Variants in LIPA observed in about 807,000 individuals in gnomAD.
LIPA encodes the protein lipase A, lysosomal acid type.
In LIPA, 26 loss-of-function variants were observed where a neutral mutation model predicts 40.6. The observed-to-expected ratio is 0.64, with a 90% CI of 0.47 to 0.89. LIPA has a LOEUF of 0.89. Among genes scored for constraint, LIPA ranks in the 40% least tolerant of loss-of-function variants. The probability of loss-of-function intolerance (pLI) is 0.00; values close to 1 mark genes in which losing one functional copy is unlikely to be tolerated. For synonymous variants in LIPA, 188 were observed against 168.4 expected (o/e 1.12, Z -0.90); for missense variants, 455 against 479.6 (o/e 0.95, Z 0.48).
At chr10:89,254,078 G>A (rs112517700), upstream of LIPA, among the ~76,000 whole-genome samples, 16,815 of 152,220 alleles carry the variant, frequency 0.11, 1,667 homozygotes, top group African/African-American at 0.26. Flanking sequence ...AGCTATCGGT[G>A]GATCTACCAT....
intron 2 of LIPA, among the ~76,000 whole-genome samples, chr10:89,352,211 C>A (rs548255334): frequency 6.6e-6 from 1 of 152,224 alleles, no homozygotes; most frequent in Admixed American, 6.5e-5. Context: ...TGTGACAGCT[C>A]GCCAGTTTCA....
At chr10:89,256,615 T>C (rs1037267348), upstream of LIPA, among the ~76,000 whole-genome samples, 2 of 152,194 alleles carry the variant, frequency 1.3e-5, no homozygotes, top group African/African-American at 4.8e-5. Context: ...TTGGGCAATA[T>C]AGTTACCCTT....
upstream of LIPA, among the ~76,000 whole-genome samples, chr10:89,343,744 A>G (rs1243423219): frequency 6.6e-6 from 1 of 152,166 alleles, no homozygotes; most frequent in Non-Finnish European, 1.5e-5. Flanking sequence ...CCTAGCAAGC[A>G]TTCCTGGGGC....
At chr10:89,412,550 G>C (rs1841478534) in intron 2 of LIPA, 1 of 172,258 alleles carries the variant, frequency 5.8e-6, no homozygotes, top group Non-Finnish European at 1.3e-5. Context: ...TCCACGTCGT[G>C]GAAGTTTTGT....
In LIPA at chr10:89,225,298, C is replaced by T. The variant is rs1417191944; in HGVS notation, c.539-70G>A. On this transcript the variant is annotated intron_variant, in intron 5 of 9. Coordinates refer to ENST00000336233, the MANE Select transcript of LIPA (RefSeq NM_000235.4). ...TTTCCTTCTCAGAAAACACAAAGGC[C>T]GTCACTCGCGACGCCCTCTCGCGGA... 5.0e-5 allele frequency: 79 copies of T among 1,595,234 alleles called. No individual in the cohort carries two copies. In the East Asian group the frequency reaches 6.9e-4, roughly 14 times the overall value.
At chr10:89,322,237 G>A (rs11203066) in intron 1 of LIPA, among the ~76,000 whole-genome samples, 37,203 of 151,958 alleles carry the variant, frequency 0.24, 4,720 homozygotes, top group African/African-American at 0.28. Context: ...ATGCAGTTTC[G>A]AGCTCGGGGT....
At chr10:89,340,071 G>C (rs564188502) in intron 1 of LIPA, 1 of 1,613,694 alleles carries the variant, frequency 6.2e-7, no homozygotes, top group African/African-American at 1.3e-5. Context: ...AAATGGGCCA[G>C]GGCGCAGTCA....
Position 89,332,842 on chromosome 10 carries a change from G to GGGAGCTT in LIPA, c.-2+9768_-2+9769insAAGCTCC, listed in dbSNP as rs71310979. On this transcript the variant is annotated intron_variant, in intron 1 of 5. Coordinates refer to the LIPA transcript ENST00000282673. ...CACAGGGAAATGGGAGCTGGGAGCT[G>GGGAGCTT]GGAAGGGACGGGGCATATTGAGAGA... 8.5e-3 allele frequency among the ~76,000 whole-genome samples: 1,301 copies of GGGAGCTT among 152,326 alleles called. 8 individuals carry two copies. The highest frequency in any genetic ancestry group is 0.02 in the Middle Eastern group (6 of 294).
chr10:89,286,326 C>T lies in LIPA; in HGVS notation c.-1-38677G>A, dbSNP rs188953323. ...TCTACGGACCCATCTGACCTCTCCC[C>T]TCCTCCCCAGGCTGCTCCTAGCCAG... On this transcript the variant is annotated intron_variant, in intron 1 of 5. Coordinates refer to the LIPA transcript ENST00000282673. 4.7e-3 allele frequency among the ~76,000 whole-genome samples: 714 copies of T among 152,206 alleles called. 5 individuals are homozygous for T. Among genetic ancestry groups the T allele is most frequent in the African/African-American group, 0.016 (683 of 41,502 alleles).
At chr10:89,392,517 C>T (rs998151279) in intron 2 of LIPA, 2 of 225,280 alleles carry the variant, frequency 8.9e-6, no homozygotes, top group Non-Finnish European at 1.7e-5. Context: ...TTTCACTTTC[C>T]CCTTTCGGTT....
rs145037134 is a variant in LIPA, at chr10:89,223,750, T to C, written c.756A>G (p.Ile252Met). The C allele has an allele frequency of 1.1e-5, 18 of 1,613,748 alleles. No individual in the cohort carries two copies. Among genetic ancestry groups the C allele is most frequent in the Non-Finnish European group, 1.5e-5 (18 of 1,179,658 alleles). Residue 252 changes from isoleucine to methionine, a missense_variant, in exon 7 of 10, where the codon ATA (isoleucine) becomes ATG (methionine). Coordinates refer to ENST00000336233, the MANE Select transcript of LIPA (RefSeq NM_000235.4). The stretch of plus-strand genomic sequence containing the variant: ...AGAGATTTCCACAGAGCTCCTTCAG[T>C]ATGACATGAGTGCAAACGTGGGTAC... ...WLGTHVCTHV[I>M]LKELCGNLCF...
intron 1 of LIPA, among the ~76,000 whole-genome samples, chr10:89,269,883 C>G (rs1347588019): frequency 6.6e-6 from 1 of 152,172 alleles, no homozygotes; most frequent in Non-Finnish European, 1.5e-5. Context: ...GATGAGTTTA[C>G]AGAGCCACTA....
chr10:89,349,237 C>T (rs1843943510), intron 2 of LIPA, among the ~76,000 whole-genome samples: 1 of 152,184 alleles, frequency 6.6e-6, no homozygotes, highest in African/African-American at 2.4e-5. Context: ...CAGACTTCGT[C>T]ACAGGCTGTC....
At chr10:89,227,621 T>C (rs181371667) in intron 4 of LIPA, among the ~76,000 whole-genome samples, 19 of 152,328 alleles carry the variant, frequency 1.2e-4, no homozygotes, top group African/African-American at 4.3e-4. Context: ...TGCATGCGCA[T>C]GTTGCCACTG....
intron 3 of LIPA, among the ~76,000 whole-genome samples, chr10:89,230,714 G>A (rs1179967193): frequency 6.6e-6 from 1 of 152,172 alleles, no homozygotes; most frequent in African/African-American, 2.4e-5. Flanking sequence ...ATAATTCCCT[G>A]AAGAGTAGAA....
intron 1 of LIPA, among the ~76,000 whole-genome samples, chr10:89,332,297 C>G (rs1843662155): frequency 6.6e-6 from 1 of 152,240 alleles, no homozygotes. Flanking sequence ...AACTTTGCCT[C>G]TTGACATAAC....
chr10:89,243,503 A>G (rs981441898), intron 3 of LIPA, among the ~76,000 whole-genome samples: 2 of 152,078 alleles, frequency 1.3e-5, no homozygotes, highest in Non-Finnish European at 2.9e-5. Flanking sequence ...ATATTCCCCC[A>G]TTCTAAAGAC....
chr10:89,299,401 C>A (rs182942062), intron 1 of LIPA, among the ~76,000 whole-genome samples: 1 of 152,138 alleles, frequency 6.6e-6, no homozygotes, highest in Non-Finnish European at 1.5e-5. Context: ...TCTCCAAAGG[C>A]GAAGGGAAAC....
intron 3 of LIPA, among the ~76,000 whole-genome samples, chr10:89,236,144 A>G (rs1180733807): frequency 6.6e-6 from 1 of 152,218 alleles, no homozygotes; most frequent in Non-Finnish European, 1.5e-5. Flanking sequence ...ATTACCATAA[A>G]TATACACAAA....
Sources: allele counts gnomAD v4.1 joint callset (sites outside exome capture counted in the v4.1 genomes callset), GRCh38; gene constraint gnomAD v4.1.1; transcripts MANE v1.5; gene names NCBI Gene and HGNC (gene_info 2026-07-23, HGNC 2026-07-21).